DLG5: variants seen among roughly 807,000 people sequenced by gnomAD.
DLG5 encodes the protein discs large MAGUK scaffold protein 5.
DLG5 carries 48 observed loss-of-function variants against 189.8 expected under a neutral mutation model. The observed-to-expected ratio is 0.25, with a 90% CI of 0.20 to 0.32. DLG5 has a LOEUF of 0.32. Among genes scored for constraint, DLG5 ranks in the 10% least tolerant of loss-of-function variants. The pLI, the probability that DLG5 is intolerant of heterozygous loss-of-function variation, is 1.00. For synonymous variants in DLG5, 1,016 were observed against 1,054.1 expected, an observed-to-expected ratio of 0.96 and a Z score of 0.70; for missense variants, 2,160 against 2,544.7, an observed-to-expected ratio of 0.85 and a Z score of 3.25.
intron 15 of DLG5, 75 bp from the exon 16 acceptor site, chr10:77,820,093 C>G: frequency 6.3e-6 from 10 of 1,585,376 alleles, no homozygotes; most frequent in Non-Finnish European, 8.5e-6. Flanking sequence ...CACCTATAAT[C>G]CCAGCACTCT....
In DLG5 at chr10:77,821,096, C is replaced by A. The variant is rs914344584; in HGVS notation, c.3388G>T (p.Ala1130Ser). 4 of 1,611,816 alleles carry A rather than the reference C, an allele frequency of 2.5e-6. No homozygotes were observed. The East Asian group carries it at 8.9e-5, about 36-fold the overall frequency. The change falls in exon 15 of 32, where the codon GCT becomes TCT. Residue 1130 changes from alanine (A) to serine (S), a missense_variant. Around this residue, in one of 5 missense-constraint regions of DLG5, gnomAD observed 754 missense variants for 746.5 expected, o/e 1.01. Transcript: ENST00000372391. ...RPKLAPVVIPAQFLEEQKCVP... is the reference protein window; with the variant it reads ...RPKLAPVVIPSQFLEEQKCVP... ...CTCAGCTATACCTCCAGGAACTGAG[C>A]AGGAATCACTACTGGAGCAAGCTTC... is the stretch of plus-strand genomic sequence containing the variant.
chr10:77,844,821 C>T (rs1248672), intron 5 of DLG5, among the ~76,000 whole-genome samples: 111,792 of 152,172 alleles, frequency 0.73, 42,031 homozygotes, highest in African/African-American at 0.9. Context: ...TTGAAGAAGG[C>T]GACTTCAGAG....
chr10:77,910,042 C>T (rs990806512), intron 1 of DLG5, among the ~76,000 whole-genome samples: 1 of 152,176 alleles, frequency 6.6e-6, no homozygotes, highest in Non-Finnish European at 1.5e-5. Context: ...GGTCTCCCTG[C>T]CAGCATCAGA....
intron 1 of DLG5, among the ~76,000 whole-genome samples, chr10:77,903,756 C>A (rs1192094296): frequency 6.6e-6 from 1 of 152,084 alleles, no homozygotes; most frequent in Non-Finnish European, 1.5e-5. Context: ...TGGGAATATT[C>A]CAAAATCCAA....
intron 30 of DLG5, among the ~76,000 whole-genome samples, chr10:77,794,499 T>C (rs944909634): frequency 2.0e-5 from 3 of 152,218 alleles, no homozygotes; most frequent in Non-Finnish European, 4.4e-5. Context: ...TGAGTGGGAC[T>C]GTGCCCAGGC....
chr10:77,829,766 C>T (rs903002105), intron 11 of DLG5, among the ~76,000 whole-genome samples: 1 of 152,202 alleles, frequency 6.6e-6, no homozygotes, highest in East Asian at 1.9e-4. Context: ...CCCCTCCAGG[C>T]CTCAGCGTCT....
At chr10:77,875,300 T>A (rs955384044) in intron 1 of DLG5, among the ~76,000 whole-genome samples, 1 of 152,032 alleles carries the variant, frequency 6.6e-6, no homozygotes, top group African/African-American at 2.4e-5. Flanking sequence ...GATAAGCACA[T>A]GAGAAGCCCG....
intron 2 of DLG5, among the ~76,000 whole-genome samples, chr10:77,861,060 C>T (rs1347684671): frequency 1.3e-5 from 2 of 152,152 alleles, no homozygotes; most frequent in African/African-American, 4.8e-5. Flanking sequence ...TTTTGTTACA[C>T]AGGCTGTTTA....
At chr10:77,875,164 T>C (rs1845044403) in intron 1 of DLG5, among the ~76,000 whole-genome samples, 1 of 152,208 alleles carries the variant, frequency 6.6e-6, no homozygotes, top group African/African-American at 2.4e-5. Flanking sequence ...CCAGGCAGTC[T>C]ACCCCAGCGC....
At chr10:77,827,016 G>A (rs1842670161) in intron 13 of DLG5, among the ~76,000 whole-genome samples, 1 of 152,058 alleles carries the variant, frequency 6.6e-6, no homozygotes, top group Non-Finnish European at 1.5e-5. Context: ...TCCCATCCAG[G>A]TTACCTCAAC....
chr10:77,821,108 C>T lies in DLG5; in HGVS notation c.3376G>A (p.Val1126Ile). The change falls in exon 15 of 32, where the codon GTA (valine) becomes ATA (isoleucine). Residue 1126 changes from valine to isoleucine, a missense_variant. Physicochemically the swap from Val to Ile is conservative, Grantham distance 29. This residue lies in a region of DLG5 where 754 missense variants were observed against 746.5 expected (regional missense o/e 1.01). Coordinates refer to ENST00000372391, the MANE Select transcript of DLG5 (RefSeq NM_004747.4). ...APSFRPKLAP[V>I]VIPAQFLEEQ... ...TCCAGGAACTGAGCAGGAATCACTA[C>T]TGGAGCAAGCTTCGGCCGAAAACTG... is the stretch of plus-strand genomic sequence containing the variant. 1 of 1,613,410 alleles carries T rather than the reference C, an allele frequency of 6.2e-7. No homozygotes were observed. Among genetic ancestry groups the T allele is most frequent in the South Asian group, 1.1e-5 (1 of 91,012 alleles).
intron 1 of DLG5, among the ~76,000 whole-genome samples, chr10:77,921,283 G>C (rs1846526308): frequency 6.6e-6 from 1 of 152,154 alleles, no homozygotes; most frequent in South Asian, 2.1e-4. Context: ...GACCCTCCAG[G>C]GCAGAGGGGA....
At chr10:77,919,055 A>G (rs982953948) in intron 1 of DLG5, among the ~76,000 whole-genome samples, 7 of 152,156 alleles carry the variant, frequency 4.6e-5, no homozygotes, top group Non-Finnish European at 5.9e-5. Flanking sequence ...GTCTCTACTA[A>G]AAATATAAAA....
chr10:77,796,116 C>T lies in DLG5; in HGVS notation c.5381G>A (p.Arg1794Lys). Residue 1794 changes from arginine to lysine, a missense_variant, in exon 29 of 32, where the codon AGA (arginine) becomes AAA (lysine). Transcript: ENST00000372391. This position sits in a 1 kb window ranked among gnomAD's most constrained non-coding sequence, Gnocchi z 5.2. ...KDCLFVDYKRRSGHFDVTTVA... is the reference protein window; with the variant it reads ...KDCLFVDYKRKSGHFDVTTVA... Reference sequence around the variant, plus strand: ...AGTGGTCACATCGAAATGGCCGCTTCTCCGCTTATAGTCGACAAACAGGCA... The same window carrying T: ...AGTGGTCACATCGAAATGGCCGCTTTTCCGCTTATAGTCGACAAACAGGCA... 1 of 1,614,220 alleles carries T rather than the reference C, an allele frequency of 6.2e-7. No homozygotes were observed. The highest frequency in any genetic ancestry group is 8.5e-7 in the Non-Finnish European group (1 of 1,180,038).
rs138330443 is a variant in DLG5, at chr10:77,916,449, G to A, written c.304+9768C>T. ...GGGATTACAGGCACACAACCACCACGCCCGGCTAAATTTTTGTATTTTTAG... is the reference window on the plus strand; with the variant it reads ...GGGATTACAGGCACACAACCACCACACCCGGCTAAATTTTTGTATTTTTAG... On this transcript the variant is annotated intron_variant, in intron 1 of 31. Transcript: ENST00000372391. Among the ~76,000 whole-genome samples, 779 of 151,342 alleles carry A rather than the reference G, an allele frequency of 5.1e-3. 7 individuals are homozygous for A. The highest frequency in any genetic ancestry group is 0.018 in the African/African-American group (740 of 41,206).
upstream of DLG5, among the ~76,000 whole-genome samples, chr10:77,930,039 G>T (rs1039451942): frequency 6.6e-6 from 1 of 152,174 alleles, no homozygotes; most frequent in Admixed American, 6.5e-5. Flanking sequence ...CTTAGAAAAA[G>T]AGAGCTCCTT....
chr10:77,822,068 T>A lies in DLG5; in HGVS notation c.2416A>T (p.Asn806Tyr). 1.2e-6 allele frequency: 2 copies of A among 1,614,038 alleles called. No homozygotes were observed. The highest frequency in any genetic ancestry group is 1.1e-5 in the South Asian group (1 of 91,078). Residue 806 changes from asparagine to tyrosine, a missense_variant, in exon 15 of 32, where the codon AAC (asparagine) becomes TAC (tyrosine). Asn to Tyr is a moderately radical substitution (Grantham distance 143). Coordinates refer to ENST00000372391, the MANE Select transcript of DLG5 (RefSeq NM_004747.4). Reference protein sequence around the residue: ...FPQSSSWSGQNIFENIKDSDK... With the variant: ...FPQSSSWSGQYIFENIKDSDK... ...GAGTCTTTGATATTTTCAAAAATGTTCTGGCCACTCCACGAGGAGCTCTGA... is the reference window on the plus strand; with the variant it reads ...GAGTCTTTGATATTTTCAAAAATGTACTGGCCACTCCACGAGGAGCTCTGA...
intron 9 of DLG5, among the ~76,000 whole-genome samples, chr10:77,833,544 C>CGAGTGAGT (rs66534828): frequency 4.4e-4 from 66 of 150,790 alleles, no homozygotes; most frequent in Non-Finnish European, 5.9e-4. Context: ...AAAATCTCTG[C>CGAGTGAGT]GAGTGAGTGA....
rs780070245 is a variant in DLG5 at position 77,822,061 on chromosome 10, A to G, written c.2423T>C (p.Phe808Ser). 6.2e-7 allele frequency: 1 copy of G among 1,614,154 alleles called. No individual in the cohort carries two copies. The highest frequency in any genetic ancestry group is 1.1e-5 in the South Asian group (1 of 91,080). ...QSSSWSGQNI[F>S]ENIKDSDKML... ...CTTATCAGAGTCTTTGATATTTTCA[A>G]AAATGTTCTGGCCACTCCACGAGGA... The change falls in exon 15 of 32, where the codon TTT becomes TCT. Residue 808 changes from phenylalanine (F) to serine (S), a missense_variant. Coordinates refer to ENST00000372391, the MANE Select transcript of DLG5 (RefSeq NM_004747.4).
Sources: allele counts gnomAD v4.1 joint callset (sites outside exome capture counted in the v4.1 genomes callset), GRCh38; gene constraint gnomAD v4.1.1; regional missense constraint gnomAD v4.1.1; non-coding constraint Gnocchi (gnomAD v3.1); transcripts MANE v1.5; gene names NCBI Gene and HGNC (gene_info 2026-07-23, HGNC 2026-07-21).